TEN1: variants seen among roughly 807,000 people sequenced by gnomAD.
TEN1 encodes the protein TEN1 subunit of CST complex.
Under a neutral mutation model 9.3 loss-of-function variants are expected in TEN1, and 6 were observed. The observed-to-expected ratio is 0.65, with a 90% CI of 0.35 to 1.27. TEN1 has a LOEUF of 1.27. TEN1 is among the 50% of genes most tolerant of loss of function. TEN1 has a pLI of 0.03. For missense variants in TEN1, 149 were observed against 158.2 expected (o/e 0.94, Z 0.31); for synonymous variants, 65 against 65.6 (o/e 0.99, Z 0.04).
At chr17:75,980,706 AG>A (rs1287400907) in intron 1 of TEN1, among the ~76,000 whole-genome samples, 9 of 152,216 alleles carry the variant, frequency 5.9e-5, no homozygotes, top group African/African-American at 2.2e-4. Flanking sequence ...TACAGGCGTG[AG>A]CCGCTGCGCC....
chr17:75,999,354 T>C (rs965206250), intron 3 of TEN1, among the ~76,000 whole-genome samples: 19 of 152,052 alleles, frequency 1.2e-4, no homozygotes, highest in Admixed American at 1.2e-3. Context: ...AAAAAAATTT[T>C]TTTTTTTAGG....
intron 3 of TEN1, among the ~76,000 whole-genome samples, chr17:75,994,358 C>T (rs1230490532): frequency 2.0e-5 from 3 of 148,626 alleles, no homozygotes; most frequent in African/African-American, 7.4e-5. Context: ...CGCTTGAACC[C>T]GGGAGGCGGA....
intron 3 of TEN1, among the ~76,000 whole-genome samples, chr17:75,996,072 C>G (rs1314717199): frequency 1.3e-5 from 2 of 151,962 alleles, no homozygotes; most frequent in African/African-American, 4.8e-5. Context: ...ACCTGGGTGA[C>G]AAAATGAGAC....
intron 3 of TEN1, among the ~76,000 whole-genome samples, chr17:75,996,289 C>T (rs574380996): frequency 1.3e-4 from 20 of 151,904 alleles, no homozygotes; most frequent in Admixed American, 2.6e-4. Flanking sequence ...AGTTCGAGAC[C>T]GGCCTGACCA....
At chr17:75,983,059 T>C (rs2066132027) in intron 1 of TEN1, among the ~76,000 whole-genome samples, 1 of 150,896 alleles carries the variant, frequency 6.6e-6, no homozygotes, top group Non-Finnish European at 1.5e-5. Flanking sequence ...GGTGGGTGGA[T>C]CACCTGAGGT....
intron 3 of TEN1, among the ~76,000 whole-genome samples, chr17:75,994,315 T>C (rs1204938644): frequency 6.7e-6 from 1 of 149,184 alleles, no homozygotes; most frequent in Non-Finnish European, 1.5e-5. Context: ...ATGCCTGTAA[T>C]CCCAGCTACT....
At position 75,979,390 on chromosome 17, in the gene TEN1, C is replaced by T. The variant is rs3760132; in HGVS notation, c.-128C>T. 0.056 allele frequency: 28,354 copies of T among 503,226 alleles called. 985 individuals carry two copies. The highest frequency in any genetic ancestry group is 0.13 in the East Asian group (3,565 of 26,886). The allele number at this position is 503,226 out of a possible 1,614,324, so 31.2% of individuals were successfully genotyped here. ...GAAAGGGGCTCCGAAGGTCAAGAAA[C>T]TGCCCTGCTGGGCGTCCGGGGAGTG... On this transcript the variant is annotated 5_prime_UTR_variant, in exon 1 of 4. Coordinates refer to ENST00000397640, the MANE Select transcript of TEN1 (RefSeq NM_001113324.3).
rs539075092 is a variant in TEN1, at chr17:75,995,952, T to G, written c.251-4189T>G. On this transcript the variant is annotated intron_variant, in intron 3 of 3. Coordinates refer to ENST00000397640, the MANE Select transcript of TEN1 (RefSeq NM_001113324.3). ...TACAAAAATGAAAATATTAGTGGGG[T>G]GTGGTGGCTTGTGCTTGTAGTCCCA... Among the ~76,000 whole-genome samples the G allele has an allele frequency of 4.6e-5, 7 of 151,520 alleles. No homozygotes were observed. The South Asian group carries it at 1.3e-3, about 27-fold the overall frequency.
rs1241772155 is a variant in TEN1 at position 75,986,540 on chromosome 17, A to G, written c.92+256A>G. On this transcript the variant is annotated intron_variant, in intron 2 of 3. Coordinates refer to ENST00000397640, the MANE Select transcript of TEN1 (RefSeq NM_001113324.3). ...AACATGGAGAAACCCTGTCTCTACT[A>G]AAAATACAAAATTAGCTGGGCGTGG... Among the ~76,000 whole-genome samples the G allele has an allele frequency of 2.6e-5, 4 of 152,068 alleles. No homozygotes were observed. In the East Asian group the frequency reaches 7.7e-4, roughly 29 times the overall value.
chr17:75,987,537 A>G (rs779721994), intron 2 of TEN1, among the ~76,000 whole-genome samples: 26 of 152,196 alleles, frequency 1.7e-4, no homozygotes, highest in Non-Finnish European at 3.1e-4. Context: ...CTTACTCAGC[A>G]TCGTAGGGGA....
intron 1 of TEN1, chr17:75,985,024 A>ATC (rs894814200): frequency 6.6e-6 from 1 of 152,206 alleles, no homozygotes; most frequent in African/African-American, 2.4e-5. Context: ...TGGGTAGATC[A>ATC]TCTGAGGTCA....
chr17:75,990,939 C>A (rs2066180603), intron 2 of TEN1, among the ~76,000 whole-genome samples: 1 of 151,734 alleles, frequency 6.6e-6, no homozygotes, highest in Admixed American at 6.6e-5. Context: ...CCCTTGAGGT[C>A]AGGAGTTGGA....
intron 1 of TEN1, among the ~76,000 whole-genome samples, chr17:75,982,199 C>T (rs1336736510): frequency 6.6e-6 from 1 of 152,168 alleles, no homozygotes; most frequent in Non-Finnish European, 1.5e-5. Flanking sequence ...ATGCCTGTTC[C>T]AAGAGGCCAA....
intron 1 of TEN1, among the ~76,000 whole-genome samples, chr17:75,984,257 C>CA (rs1342619547): frequency 6.6e-6 from 1 of 152,202 alleles, no homozygotes; most frequent in Non-Finnish European, 1.5e-5. Flanking sequence ...ACTTCTCTAT[C>CA]AAACTATGAC....
intron 3 of TEN1, among the ~76,000 whole-genome samples, chr17:75,993,120 T>G (rs899046352): frequency 1.3e-5 from 2 of 150,484 alleles, no homozygotes; most frequent in African/African-American, 2.4e-5. Flanking sequence ...TTTTTTTTTT[T>G]TTTTGAGACG....
intron 2 of TEN1, among the ~76,000 whole-genome samples, chr17:75,987,783 G>C (rs1350491877): frequency 6.6e-6 from 1 of 151,812 alleles, no homozygotes; most frequent in Non-Finnish European, 1.5e-5. Context: ...CGGGCTTGGT[G>C]GTGGGTGCCT....
chr17:75,997,503 C>T (rs1196341464), intron 3 of TEN1, among the ~76,000 whole-genome samples: 2 of 151,882 alleles, frequency 1.3e-5, no homozygotes, highest in Non-Finnish European at 2.9e-5. Context: ...TACCATCAGA[C>T]ACTGAAACGG....
At position 75,993,921 on chromosome 17, in the gene TEN1, G is replaced by A. The variant is rs973879243; in HGVS notation, c.250+2298G>A. Among the ~76,000 whole-genome samples the A allele has an allele frequency of 1.3e-4, 20 of 152,004 alleles. 1 individual carries two copies. Among genetic ancestry groups the A allele is most frequent in the Non-Finnish European group, 2.5e-4 (17 of 68,016 alleles). On this transcript the variant is annotated intron_variant, in intron 3 of 3. Coordinates refer to ENST00000397640, the MANE Select transcript of TEN1 (RefSeq NM_001113324.3). ...TGAGGCAGGAGAATCGCTTGAACCC[G>A]GGAGGCGGAGGAGGTTGCAGTGAGC...
chr17:75,993,941 G>T (rs566684857), intron 3 of TEN1, among the ~76,000 whole-genome samples: 1 of 151,772 alleles, frequency 6.6e-6, no homozygotes, highest in East Asian at 2.0e-4. Context: ...GGAGGTTGCA[G>T]TGAGCGGAGA....
Sources: allele counts gnomAD v4.1 joint callset (sites outside exome capture counted in the v4.1 genomes callset), GRCh38; gene constraint gnomAD v4.1.1; transcripts MANE v1.5; gene names NCBI Gene and HGNC (gene_info 2026-07-23, HGNC 2026-07-21).